The following SPDYA variants were observed in gnomAD, a reference collection of about 807,000 sequenced individuals.
The protein encoded by SPDYA is speedy/RINGO cell cycle regulator family member A, also known as speedy protein A.
Under a neutral mutation model 36.7 loss-of-function variants are expected in SPDYA, and 11 were observed. That is an observed-to-expected ratio of 0.30 (90% CI 0.19 to 0.50). The LOEUF (loss-of-function observed/expected upper bound fraction) is 0.50, where lower values mean the gene tolerates loss of function less well. Ranked by LOEUF, SPDYA falls within the 20% of genes least tolerant of loss-of-function variation. SPDYA has a pLI of 0.98. For synonymous variants in SPDYA, 115 were observed against 118.7 expected (o/e 0.97, Z 0.20); for missense variants, 287 against 370.9 (o/e 0.77, Z 1.86).
Position 28,834,785 on chromosome 2 carries a change from T to C in SPDYA, c.553-5387T>C, listed in dbSNP as rs79543994. Among the ~76,000 whole-genome samples, 835 of 152,348 alleles carry C rather than the reference T, an allele frequency of 5.5e-3. 9 individuals are homozygous for C. The highest frequency in any genetic ancestry group is 0.019 in the African/African-American group (794 of 41,580). ...AAAATGCTTCAAAATTGACCGTGGT[T>C]ATGGTTGCTTAACTCTGAATATATT... is the stretch of plus-strand genomic sequence containing the variant. On this transcript the variant is annotated intron_variant, in intron 6 of 7. Coordinates refer to ENST00000334056, the MANE Select transcript of SPDYA (RefSeq NM_182756.4).
chr2:28,849,182 CAT>C (rs1668967921), intron 7 of SPDYA, among the ~76,000 whole-genome samples: 2 of 152,170 alleles, frequency 1.3e-5, no homozygotes, highest in South Asian at 4.1e-4. Flanking sequence ...AAGTGAAAAA[CAT>C]ATATAAAGTT....
chr2:28,837,348 T>G (rs1214879158), intron 6 of SPDYA, among the ~76,000 whole-genome samples: 1 of 152,112 alleles, frequency 6.6e-6, no homozygotes, highest in Non-Finnish European at 1.5e-5. Context: ...GGAAGAGTAA[T>G]GGGTTCCATA....
At chr2:28,840,930 G>GTTTTTTTTTTTTTTTTT (rs70956054) in intron 7 of SPDYA, 1 of 114,258 alleles carries the variant, frequency 8.8e-6, no homozygotes, top group African/African-American at 3.4e-5. Context: ...TCCAAAACCA[G>GTTTTTTTTTTTTTTTTT]TTTTTTTTTT....
chr2:28,840,557 T>G (rs989125869), intron 7 of SPDYA, 88 bp downstream of exon 7: 2 of 1,503,678 alleles, frequency 1.3e-6, no homozygotes, highest in East Asian at 4.7e-5. Flanking sequence ...TACATAATAA[T>G]TTATATACTC....
chr2:28,848,140 G>T (rs983558840), intron 7 of SPDYA, among the ~76,000 whole-genome samples: 1 of 152,062 alleles, frequency 6.6e-6, no homozygotes, highest in Non-Finnish European at 1.5e-5. Flanking sequence ...AGCTATAAAG[G>T]CATCATTATT....
At chr2:28,814,832 A>C (rs377502796) in intron 2 of SPDYA, 146 bp downstream of exon 2, 2 of 152,386 alleles carry the variant, frequency 1.3e-5, no homozygotes, top group South Asian at 2.1e-4. Flanking sequence ...TGTAGTAATT[A>C]TGTGAACTAA....
In SPDYA at chr2:28,811,326, C is replaced by T. The variant is rs1397952326; in HGVS notation, c.-93+379C>T. 2 of 152,292 alleles carry T rather than the reference C, an allele frequency of 1.3e-5. No individual in the cohort carries two copies. The highest frequency in any genetic ancestry group is 2.9e-5 in the Non-Finnish European group (2 of 68,100). 9.4% of individuals were successfully genotyped at this position (152,292 alleles called of 1,614,324 possible). A position where few individuals can be genotyped will look rare whatever the true frequency, so the allele number is the denominator to read the frequency against. On this transcript the variant is annotated intron_variant, in intron 1 of 7. Coordinates refer to ENST00000334056, the MANE Select transcript of SPDYA (RefSeq NM_182756.4). This position sits in a 1 kb window ranked among gnomAD's most constrained non-coding sequence, Gnocchi z 4.2. ...GAGGGAGGGCCCTGGGCAGGCGCTC[C>T]CGTCTCCACGTGTGCCTGCCGCCTT...
chr2:28,840,323 GAA>G lies in SPDYA; in HGVS notation c.705_706del (p.Arg236IlefsTer3). 1 of 1,611,346 alleles carries G rather than the reference GAA, an allele frequency of 6.2e-7. No individual in the cohort carries two copies. The highest frequency in any genetic ancestry group is 8.5e-7 in the Non-Finnish European group (1 of 1,178,864). On this transcript the variant is annotated frameshift_variant, in exon 7 of 8. Coordinates refer to ENST00000334056, the MANE Select transcript of SPDYA (RefSeq NM_182756.4). LOFTEE classifies it high-confidence loss of function. ...GATTGTTCACTCTGTGGTAAAAAAA[GAA>G]GATATGTTAGACTGGGATTGTCTTC...
At chr2:28,847,180 T>G (rs1668898401) in intron 7 of SPDYA, among the ~76,000 whole-genome samples, 2 of 151,146 alleles carry the variant, frequency 1.3e-5, no homozygotes, top group Non-Finnish European at 3.0e-5. Flanking sequence ...CTATCTCTAC[T>G]AAAAATACAA....
At chr2:28,845,853 C>T (rs531483664) in intron 7 of SPDYA, among the ~76,000 whole-genome samples, 8 of 152,206 alleles carry the variant, frequency 5.3e-5, no homozygotes, top group African/African-American at 1.9e-4. Context: ...CCTGTCTGCT[C>T]ATTTTCTACG....
chr2:28,831,755 G>A (rs1245693896), intron 6 of SPDYA, among the ~76,000 whole-genome samples: 2 of 152,154 alleles, frequency 1.3e-5, no homozygotes, highest in Admixed American at 1.3e-4. Flanking sequence ...TGAGAAAAGA[G>A]AAGCAGTAGA....
chr2:28,823,465 A>T (rs1668222129), intron 5 of SPDYA, among the ~76,000 whole-genome samples: 1 of 151,252 alleles, frequency 6.6e-6, no homozygotes, highest in South Asian at 2.1e-4. Context: ...CTCTACTAAA[A>T]ATACACAAGT....
intron 6 of SPDYA, among the ~76,000 whole-genome samples, chr2:28,831,390 A>C (rs146929928): frequency 1.1e-3 from 161 of 152,308 alleles, no homozygotes; most frequent in African/African-American, 3.7e-3. Context: ...TTGAAGCAAA[A>C]ATAGCAGTAT....
At chr2:28,812,363 T>C (rs868655128) in intron 1 of SPDYA, among the ~76,000 whole-genome samples, 32 of 152,152 alleles carry the variant, frequency 2.1e-4, no homozygotes, top group Middle Eastern at 3.4e-3. Context: ...AGACAACTTC[T>C]GCTTGTTTCA....
At chr2:28,812,990 C>G (rs1426846581) in intron 1 of SPDYA, among the ~76,000 whole-genome samples, 1 of 151,824 alleles carries the variant, frequency 6.6e-6, no homozygotes, top group African/African-American at 2.4e-5. Context: ...TTCCTTTCCT[C>G]TTGCTTGCTC....
At chr2:28,818,835 A>G (rs1054094078) in intron 3 of SPDYA, among the ~76,000 whole-genome samples, 5 of 152,250 alleles carry the variant, frequency 3.3e-5, no homozygotes, top group Admixed American at 6.5e-5. Context: ...GGCAAATCAG[A>G]TGGCTTGATG....
chr2:28,817,877 A>G (rs1668027447), intron 3 of SPDYA, among the ~76,000 whole-genome samples: 1 of 138,126 alleles, frequency 7.2e-6, no homozygotes, highest in Non-Finnish European at 1.6e-5. Context: ...AAAAAAAAAA[A>G]AGGCTGGATA....
At chr2:28,812,761 G>GCTGGAGAAT (rs1328804596) in intron 1 of SPDYA, among the ~76,000 whole-genome samples, 1 of 150,484 alleles carries the variant, frequency 6.6e-6, no homozygotes. Context: ...GGAGGCTGAG[G>GCTGGAGAAT]CTGGAGAATC....
Position 28,840,250 on chromosome 2 carries a change from A to G in SPDYA, c.631A>G (p.Asn211Asp), listed in dbSNP as rs1318416758. 1 of 1,613,904 alleles carries G rather than the reference A, an allele frequency of 6.2e-7. No homozygotes were observed. Among genetic ancestry groups the G allele is most frequent in the African/African-American group, 1.3e-5 (1 of 74,922 alleles). ...VHHSGAVRNY[N>D]RDEVQLPRGP... Reference sequence around the variant, plus strand: ...TCACAGTGGAGCTGTCAGAAACTACAACAGAGATGAAGTTCAGCTGCCCCG... The same window carrying G: ...TCACAGTGGAGCTGTCAGAAACTACGACAGAGATGAAGTTCAGCTGCCCCG... Residue 211 changes from asparagine to aspartate, a missense_variant, in exon 7 of 8, where the codon AAC becomes GAC. Coordinates refer to ENST00000334056, the MANE Select transcript of SPDYA (RefSeq NM_182756.4).
Sources: allele counts gnomAD v4.1 joint callset (sites outside exome capture counted in the v4.1 genomes callset), GRCh38; gene constraint gnomAD v4.1.1; non-coding constraint Gnocchi (gnomAD v3.1); transcripts MANE v1.5; gene names NCBI Gene and HGNC (gene_info 2026-07-23, HGNC 2026-07-21).